Variants in ACYP2 observed in about 807,000 individuals in gnomAD.
ACYP2 encodes acylphosphatase 2.
Under a neutral mutation model 11.2 loss-of-function variants are expected in ACYP2, and 12 were observed. The ratio of observed to expected loss-of-function variants is 1.08; its 90% CI spans 0.69 to 1.74. The LOEUF is 1.74. ACYP2 is among the 40% of genes most tolerant of loss of function. The pLI is 0.00. For synonymous variants in ACYP2, 43 were observed against 32.2 expected, an observed-to-expected ratio of 1.33 and a Z score of -1.13; for missense variants, 134 against 101.9, an observed-to-expected ratio of 1.31 and a Z score of -1.35.
intron 6 of ACYP2, among the ~76,000 whole-genome samples, chr2:54,156,537 G>A (rs1682439821): frequency 6.6e-6 from 1 of 152,188 alleles, no homozygotes; most frequent in Admixed American, 6.5e-5. Context: ...TCCTGTGTTA[G>A]TGTGCTGAGG....
At chr2:54,165,902 T>G (rs1682948283) in intron 6 of ACYP2, among the ~76,000 whole-genome samples, 1 of 152,216 alleles carries the variant, frequency 6.6e-6, no homozygotes, top group African/African-American at 2.4e-5. Context: ...CTAAAAGTCC[T>G]AGAAACCCAT....
At chr2:53,979,124 A>T (rs1671630013) in intron 2 of ACYP2, among the ~76,000 whole-genome samples, 1 of 151,940 alleles carries the variant, frequency 6.6e-6, no homozygotes, top group African/African-American at 2.4e-5. Flanking sequence ...TCGAGAAGGC[A>T]TTATTATTAT....
At chr2:54,231,223 A>G (rs1686222596) in intron 6 of ACYP2, among the ~76,000 whole-genome samples, 1 of 152,196 alleles carries the variant, frequency 6.6e-6, no homozygotes, top group South Asian at 2.1e-4. Context: ...CCTTGGGCAC[A>G]CGTTCTCAGG....
At chr2:54,127,151 C>T (rs909326043) in intron 4 of ACYP2, among the ~76,000 whole-genome samples, 19 of 148,772 alleles carry the variant, frequency 1.3e-4, no homozygotes, top group Non-Finnish European at 1.9e-4. Flanking sequence ...CATTTACATC[C>T]GTATTCTACA....
chr2:54,076,950 G>T (rs1458492613), intron 4 of ACYP2, among the ~76,000 whole-genome samples: 1 of 152,156 alleles, frequency 6.6e-6, no homozygotes, highest in African/African-American at 2.4e-5. Flanking sequence ...CGGGTTTTCA[G>T]GGTCTTCTAA....
rs1316113680 is a variant in ACYP2, at chr2:53,980,985, C to T, written c.62+7175C>T. Among the ~76,000 whole-genome samples, 9 of 152,156 alleles carry T rather than the reference C, an allele frequency of 5.9e-5. No individual in the cohort carries two copies. The South Asian group carries it at 1.5e-3, about 25-fold the overall frequency. ...CAACGTGGTCTCGAACTCCTGGGCTCATACCATTCACCCACCTCCACCTCA... is the reference window on the plus strand; with the variant it reads ...CAACGTGGTCTCGAACTCCTGGGCTTATACCATTCACCCACCTCCACCTCA... On this transcript the variant is annotated intron_variant, in intron 2 of 6. Transcript: ENST00000607452.
chr2:54,240,449 AC>A (rs1686684268), intron 6 of ACYP2, among the ~76,000 whole-genome samples: 1 of 152,098 alleles, frequency 6.6e-6, no homozygotes. Context: ...AGCCTGGAGA[AC>A]TCATTCTTCT....
intron 6 of ACYP2, among the ~76,000 whole-genome samples, chr2:54,181,483 T>C (rs1322993141): frequency 6.6e-6 from 1 of 152,152 alleles, no homozygotes; most frequent in Non-Finnish European, 1.5e-5. Context: ...CTACTACTTA[T>C]AGTAGTAGCA....
intron 1 of ACYP2, among the ~76,000 whole-genome samples, chr2:53,973,549 C>T (rs1671281938): frequency 6.6e-6 from 1 of 152,104 alleles, no homozygotes; most frequent in Non-Finnish European, 1.5e-5. Flanking sequence ...TTTATAATCT[C>T]CCCAACCCTT....
chr2:54,291,463 G>A lies in ACYP2; in HGVS notation c.405-13225G>A, dbSNP rs575717267. On this transcript the variant is annotated intron_variant, in intron 6 of 6. Transcript: ENST00000607452. ...TAACTGAATAATGGCTGCAGTAGAC[G>A]TGGTATATTGGCTTGGTCGACCTCT... Among the ~76,000 whole-genome samples the A allele has an allele frequency of 3.3e-5, 5 of 152,330 alleles. No individual in the cohort carries two copies. The East Asian group carries it at 5.8e-4, about 18-fold the overall frequency.
intron 1 of ACYP2, chr2:53,971,445 T>C (rs928758051): frequency 6.6e-6 from 1 of 152,256 alleles, no homozygotes; most frequent in Non-Finnish European, 1.5e-5. Context: ...CCTTATAGAT[T>C]TAATTTTTCT....
At chr2:54,185,588 A>G (rs747367963) in intron 6 of ACYP2, among the ~76,000 whole-genome samples, 12 of 152,214 alleles carry the variant, frequency 7.9e-5, no homozygotes, top group Non-Finnish European at 1.6e-4. Flanking sequence ...AAAATCCTAC[A>G]GTGATTTTAG....
chr2:54,157,593 G>T (rs1682489225), intron 6 of ACYP2, among the ~76,000 whole-genome samples: 2 of 152,026 alleles, frequency 1.3e-5, no homozygotes, highest in African/African-American at 4.8e-5. Context: ...ATATATGCCA[G>T]GCACTGTTTT....
chr2:54,044,384 G>A (rs1370460378), intron 2 of ACYP2, among the ~76,000 whole-genome samples: 6 of 151,716 alleles, frequency 4.0e-5, no homozygotes, highest in African/African-American at 1.5e-4. Flanking sequence ...CACTTGGGAC[G>A]AGGAGTTCAA....
At chr2:54,275,869 ATTAG>A (rs1391568060) in intron 6 of ACYP2, among the ~76,000 whole-genome samples, 2 of 152,154 alleles carry the variant, frequency 1.3e-5, no homozygotes, top group Non-Finnish European at 2.9e-5. Context: ...GGAATTTCTA[ATTAG>A]TTAATATTTA....
rs537320745 is a variant in ACYP2 at position 54,128,745 on chromosome 2, G to C, written c.278-6708G>C. 3.3e-5 allele frequency among the ~76,000 whole-genome samples: 5 copies of C among 151,960 alleles called. No individual in the cohort carries two copies. In the East Asian group the frequency reaches 9.7e-4, roughly 29 times the overall value. On this transcript the variant is annotated intron_variant, in intron 4 of 6. Transcript: ENST00000607452. ...CCCTTTTTTAAAAAAAATTCAGTTG[G>C]CACAAAGGAAGGATTTTTTTTTTAG...
At chr2:54,227,389 C>T (rs1241006181) in intron 6 of ACYP2, among the ~76,000 whole-genome samples, 1 of 152,024 alleles carries the variant, frequency 6.6e-6, no homozygotes, top group East Asian at 1.9e-4. Context: ...CGCCTGTATC[C>T]CAGCACTTTG....
intron 4 of ACYP2, 110 bp from the exon 1 acceptor site, chr2:54,115,505 G>C: frequency 7.0e-7 from 1 of 1,436,198 alleles, no homozygotes; most frequent in South Asian, 1.4e-5. Context: ...TGGCGTCCCC[G>C]GCTGCCCTCG....
In ACYP2 at chr2:54,012,851, G is replaced by A. The variant is rs562007159; in HGVS notation, c.63-38107G>A. Among the ~76,000 whole-genome samples the A allele has an allele frequency of 2.2e-4, 34 of 152,034 alleles. No individual in the cohort carries two copies. In the South Asian group the frequency reaches 6.4e-3, roughly 29 times the overall value. ...TGGCGCTGGAGTGGCTTCCCATCTCGTTCAGAGTGAAAGCTGGTGTTCACA... is the reference window on the plus strand; with the variant it reads ...TGGCGCTGGAGTGGCTTCCCATCTCATTCAGAGTGAAAGCTGGTGTTCACA... On this transcript the variant is annotated intron_variant, in intron 2 of 6. Coordinates refer to ENST00000607452, the MANE Select transcript of ACYP2 (RefSeq NM_001320586.2).
Sources: gnomAD v4.1 joint callset for allele counts (sites outside exome capture counted in the v4.1 genomes callset) on GRCh38, gnomAD v4.1.1 for gene constraint, MANE v1.5 for transcripts, NCBI Gene and HGNC (gene_info 2026-07-23, HGNC 2026-07-21) for gene names.